The following LTA variants were observed in gnomAD, a reference collection of about 807,000 sequenced individuals.
The protein encoded by LTA is lymphotoxin alpha.
LTA carries 6 observed loss-of-function variants against 15.1 expected under a neutral mutation model. That is an observed-to-expected ratio of 0.40 (90% CI 0.22 to 0.78). LTA has a LOEUF of 0.78. Among genes scored for constraint, LTA ranks in the 30% least tolerant of loss-of-function variants. The pLI, the probability that LTA is intolerant of heterozygous loss-of-function variation, is 0.38. For missense variants in LTA, 173 were observed against 249.5 expected (o/e 0.69, Z 2.06); for synonymous variants, 87 against 107.3 (o/e 0.81, Z 1.17).
At chr6:31,569,409 A>C (rs1023385194), upstream of LTA, among the ~76,000 whole-genome samples, 1 of 152,162 alleles carries the variant, frequency 6.6e-6, no homozygotes, top group Non-Finnish European at 1.5e-5. Context: ...AGCAAAAAGG[A>C]CCCTGAGAGA....
rs1562477469 is a variant in LTA, at chr6:31,574,038, G to A, written c.*345G>A. On this transcript the variant is annotated 3_prime_UTR_variant, in exon 4 of 4. Coordinates refer to ENST00000418386, the MANE Select transcript of LTA (RefSeq NM_000595.4). Reference sequence around the variant, plus strand: ...GGAGGAGCTTGGGGGATGACTAGAGGCAGGGAGGGGACTATTTATGAAGGC... The same window carrying A: ...GGAGGAGCTTGGGGGATGACTAGAGACAGGGAGGGGACTATTTATGAAGGC... 2.0e-6 allele frequency: 1 copy of A among 503,086 alleles called. No individual in the cohort carries two copies. Among genetic ancestry groups the A allele is most frequent in the Non-Finnish European group, 3.6e-6 (1 of 276,498 alleles). The allele number at this position is 503,086 out of a possible 1,614,324, so 31.2% of individuals were successfully genotyped here.
chr6:31,561,968 A>G, the LTA span, among the ~76,000 whole-genome samples: 1 of 152,030 alleles, frequency 6.6e-6, no homozygotes, highest in Non-Finnish European at 1.5e-5. Flanking sequence ...AGATTTGGGC[A>G]TCATTCCCTT....
the LTA span, among the ~76,000 whole-genome samples, chr6:31,563,712 A>G: frequency 6.6e-6 from 1 of 152,122 alleles, no homozygotes; most frequent in Non-Finnish European, 1.5e-5. Context: ...GGTTCAAGCG[A>G]TTCTCCTCCC....
rs1399803088 is a variant in LTA at position 31,573,272 on chromosome 6, T to C, written c.206-9T>C. Reference sequence around the variant, plus strand: ...ATCTCCCACCCCCATCCCCTATGGCTCTTCCTAGGAGACCCCAGCAAGCAG... The same window carrying C: ...ATCTCCCACCCCCATCCCCTATGGCCCTTCCTAGGAGACCCCAGCAAGCAG... On this transcript the variant is annotated splice_polypyrimidine_tract_variant and intron_variant, in intron 3 of 3. Coordinates refer to ENST00000418386, the MANE Select transcript of LTA (RefSeq NM_000595.4). The C allele has an allele frequency of 6.2e-7, 1 of 1,606,534 alleles. No individual in the cohort carries two copies. The highest frequency in any genetic ancestry group is 8.5e-7 in the Non-Finnish European group (1 of 1,176,144).
chr6:31,561,104 A>C, the LTA span, among the ~76,000 whole-genome samples: 14 of 152,288 alleles, frequency 9.2e-5, no homozygotes, highest in African/African-American at 3.4e-4. Context: ...CGAGCCTGAC[A>C]AGTCAGAAAA....
Position 31,573,932 on chromosome 6 carries a change from G to T in LTA, c.*239G>T. 1.4e-6 allele frequency: 1 copy of T among 694,020 alleles called. No individual in the cohort carries two copies. Among genetic ancestry groups the T allele is most frequent in the Non-Finnish European group, 2.6e-6 (1 of 381,948 alleles). The allele number at this position is 694,020 out of a possible 1,614,324, so 43.0% of individuals were successfully genotyped here. A position where few individuals can be genotyped will look rare whatever the true frequency, so the allele number is the denominator to read the frequency against. ...GGCTGAGGATTTCAAGCCTGCCTAG[G>T]AATTCCCAGCCCAAAGCTGTTGGTC... On this transcript the variant is annotated 3_prime_UTR_variant, in exon 4 of 4. Coordinates refer to ENST00000418386, the MANE Select transcript of LTA (RefSeq NM_000595.4).
chr6:31,567,223 A>C (rs932367482), upstream of LTA, among the ~76,000 whole-genome samples: 4 of 151,648 alleles, frequency 2.6e-5, no homozygotes, highest in African/African-American at 7.3e-5. Context: ...TGAACCCAGG[A>C]GGCAGAGGTT....
intron 1 of LTA, 26 bp from the exon 2 acceptor site, chr6:31,572,708 C>CTG: frequency 1.2e-4 from 150 of 1,212,314 alleles, no homozygotes; most frequent in Middle Eastern, 4.0e-4. Context: ...CTCACTGTCT[C>CTG]TCTCTCTCTC....
At chr6:31,565,525 T>G in the LTA span, among the ~76,000 whole-genome samples, 2 of 152,188 alleles carry the variant, frequency 1.3e-5, no homozygotes, top group African/African-American at 4.8e-5. Flanking sequence ...AACACCATCC[T>G]CATGCTGACC....
chr6:31,562,914 G>A, the LTA span, among the ~76,000 whole-genome samples: 4 of 147,548 alleles, frequency 2.7e-5, no homozygotes, highest in South Asian at 2.1e-4. Context: ...TAATCCCAGC[G>A]CTTTGGGAGG....
chr6:31,562,277 G>A, the LTA span, among the ~76,000 whole-genome samples: 7 of 152,204 alleles, frequency 4.6e-5, no homozygotes, highest in Non-Finnish European at 7.4e-5. Flanking sequence ...ACTTTACATA[G>A]GTTGAGGAAT....
At chr6:31,562,645 A>G in the LTA span, among the ~76,000 whole-genome samples, 1 of 152,162 alleles carries the variant, frequency 6.6e-6, no homozygotes, top group East Asian at 1.9e-4. Context: ...TGGGCAGATC[A>G]CTTGAGGCCA....
At position 31,574,058 on chromosome 6, in the gene LTA, G is replaced by A. The variant is rs1771017275; in HGVS notation, c.*365G>A. 1 of 437,964 alleles carries A rather than the reference G, an allele frequency of 2.3e-6. No homozygotes were observed. The allele number at this position is 437,964 out of a possible 1,614,324, so 27.1% of individuals were successfully genotyped here. On this transcript the variant is annotated 3_prime_UTR_variant, in exon 4 of 4. Coordinates refer to ENST00000418386, the MANE Select transcript of LTA (RefSeq NM_000595.4). ...TAGAGGCAGGGAGGGGACTATTTAT[G>A]AAGGCAAAAAAATTAAATTATTTAT...
chr6:31,566,504 G>A, the LTA span, among the ~76,000 whole-genome samples: 3 of 151,788 alleles, frequency 2.0e-5, no homozygotes, highest in Non-Finnish European at 2.9e-5. Context: ...GCCAGGCATG[G>A]TGACATGCAC....
chr6:31,573,152 G>A (rs2150385077), intron 3 of LTA, 119 bp downstream of exon 3: 3 of 1,200,776 alleles, frequency 2.5e-6, no homozygotes, highest in Non-Finnish European at 3.6e-6. Context: ...AAAACAGAGG[G>A]AGCCCACTCC....
the LTA span, among the ~76,000 whole-genome samples, chr6:31,566,046 C>T: frequency 2.4e-4 from 36 of 151,948 alleles, no homozygotes; most frequent in Non-Finnish European, 4.1e-4. Context: ...GGCACGGTGG[C>T]GCATGCCTGT....
chr6:31,566,718 G>A, the LTA span, among the ~76,000 whole-genome samples: 32 of 149,302 alleles, frequency 2.1e-4, no homozygotes, highest in South Asian at 6.3e-4. Context: ...CGACGCAAGT[G>A]GATCACCTGA....
the LTA span, among the ~76,000 whole-genome samples, chr6:31,562,939 CTA>C: frequency 3.3e-5 from 5 of 149,662 alleles, no homozygotes; most frequent in Non-Finnish European, 7.4e-5. Flanking sequence ...GGTGGGCAGA[CTA>C]TAGATATCAG....
At chr6:31,560,915 T>TA in the LTA span, among the ~76,000 whole-genome samples, 1 of 152,222 alleles carries the variant, frequency 6.6e-6, no homozygotes, top group Admixed American at 6.5e-5. Flanking sequence ...CATACCTAGT[T>TA]AACTGATTCA....
Sources: allele counts gnomAD v4.1 joint callset (sites outside exome capture counted in the v4.1 genomes callset), GRCh38; gene constraint gnomAD v4.1.1; transcripts MANE v1.5; gene names NCBI Gene and HGNC (gene_info 2026-07-23, HGNC 2026-07-21).